Variants in TMCC1 observed in about 807,000 individuals in gnomAD.
TMCC1 encodes transmembrane and coiled-coil domains protein 1.
Under a neutral mutation model 52.4 loss-of-function variants are expected in TMCC1, and 15 were observed. The observed-to-expected ratio is 0.29, with a 90% CI of 0.19 to 0.44. The LOEUF (loss-of-function observed/expected upper bound fraction) is 0.44, where lower values mean the gene tolerates loss of function less well. Ranked by LOEUF, TMCC1 falls within the 20% of genes least tolerant of loss-of-function variation. The pLI is 1.00. For synonymous variants in TMCC1, 279 were observed against 301.9 expected, an observed-to-expected ratio of 0.92 and a Z score of 0.79; for missense variants, 503 against 806.0, an observed-to-expected ratio of 0.62 and a Z score of 4.55.
chr3:129,660,575 C>A (rs1280583652), intron 5 of TMCC1, among the ~76,000 whole-genome samples: 1 of 152,208 alleles, frequency 6.6e-6, no homozygotes, highest in Non-Finnish European at 1.5e-5. Context: ...TGGGCACACA[C>A]TCCATCCTCC....
chr3:129,696,323 C>T (rs1000810002), intron 4 of TMCC1, among the ~76,000 whole-genome samples: 13 of 152,200 alleles, frequency 8.5e-5, no homozygotes, highest in African/African-American at 2.7e-4. Context: ...TTAAATCTGC[C>T]TATAGCCTGG....
chr3:129,877,461 T>G (rs1235468403), intron 2 of TMCC1, among the ~76,000 whole-genome samples: 1 of 152,206 alleles, frequency 6.6e-6, no homozygotes. Context: ...GTTCTTCAAC[T>G]GCTTCTTACT....
chr3:129,670,070 CTG>C (rs2087790690), intron 5 of TMCC1, among the ~76,000 whole-genome samples: 1 of 152,176 alleles, frequency 6.6e-6, no homozygotes, highest in South Asian at 2.1e-4. Context: ...GCTGCAATGA[CTG>C]TGTAGTTTTA....
In TMCC1 at chr3:129,779,583, T is replaced by C. The variant is rs2055344784; in HGVS notation, c.576+48220A>G. ...ATAATTAAAAGTTGTTTTAAAAACA[T>C]ACTGAGAGTCTTTATGCTAAAGATT... is the stretch of plus-strand genomic sequence containing the variant. On this transcript the variant is annotated intron_variant, in intron 4 of 6. Transcript: ENST00000393238. Among the ~76,000 whole-genome samples, 5 of 152,186 alleles carry C rather than the reference T, an allele frequency of 3.3e-5. No homozygotes were observed. The South Asian group carries it at 1.0e-3, about 31-fold the overall frequency.
chr3:129,858,528 G>A (rs565714091), intron 2 of TMCC1, among the ~76,000 whole-genome samples: 3 of 152,056 alleles, frequency 2.0e-5, no homozygotes, highest in East Asian at 1.9e-4. Flanking sequence ...ATGCCACCAC[G>A]TCCAGCTAAT....
intron 6 of TMCC1, among the ~76,000 whole-genome samples, chr3:129,654,317 T>C (rs1476683681): frequency 6.6e-6 from 1 of 152,220 alleles, no homozygotes; most frequent in African/African-American, 2.4e-5. Flanking sequence ...CTGAAGAAGA[T>C]GGCATCTGGG....
At chr3:129,872,625 T>A (rs1392097678) in intron 2 of TMCC1, among the ~76,000 whole-genome samples, 1 of 152,158 alleles carries the variant, frequency 6.6e-6, no homozygotes, top group Non-Finnish European at 1.5e-5. Flanking sequence ...ATGCAGTTGG[T>A]TGTGCTGGTT....
chr3:129,673,990 A>G (rs1375966823), intron 4 of TMCC1, among the ~76,000 whole-genome samples: 1 of 152,220 alleles, frequency 6.6e-6, no homozygotes, highest in East Asian at 1.9e-4. Flanking sequence ...TTAGATATGC[A>G]AACACTACTG....
At chr3:129,799,594 A>C (rs2057055985) in intron 4 of TMCC1, among the ~76,000 whole-genome samples, 1 of 152,160 alleles carries the variant, frequency 6.6e-6, no homozygotes, top group African/African-American at 2.4e-5. Context: ...GTGGATCACG[A>C]GATCAGGAGA....
intron 4 of TMCC1, among the ~76,000 whole-genome samples, chr3:129,685,204 A>C (rs915666816): frequency 2.0e-5 from 3 of 152,034 alleles, no homozygotes; most frequent in Non-Finnish European, 4.4e-5. Flanking sequence ...ACACAGAAAG[A>C]CCATGTCTTT....
chr3:129,657,580 A>G (rs1020755713), intron 5 of TMCC1, among the ~76,000 whole-genome samples: 1 of 152,106 alleles, frequency 6.6e-6, no homozygotes, highest in South Asian at 2.1e-4. Context: ...ACCCAGATCA[A>G]CTAACTCTCC....
intron 4 of TMCC1, among the ~76,000 whole-genome samples, chr3:129,807,260 A>G (rs1313106950): frequency 6.6e-6 from 1 of 152,186 alleles, no homozygotes; most frequent in African/African-American, 2.4e-5. Context: ...TAATGTTCCC[A>G]TTCTTATGTT....
chr3:129,652,512 T>C (rs1329593696), intron 6 of TMCC1, among the ~76,000 whole-genome samples: 1 of 152,154 alleles, frequency 6.6e-6, no homozygotes, highest in Non-Finnish European at 1.5e-5. Flanking sequence ...AATGGACTCT[T>C]TGTGGCAGTA....
intron 2 of TMCC1, among the ~76,000 whole-genome samples, chr3:129,849,051 A>C (rs1011990698): frequency 1.3e-5 from 2 of 152,240 alleles, no homozygotes; most frequent in African/African-American, 2.4e-5. Context: ...AAGAATACTA[A>C]GAGCTACTAT....
At chr3:129,863,587 C>T (rs1217172820) in intron 2 of TMCC1, among the ~76,000 whole-genome samples, 3 of 152,112 alleles carry the variant, frequency 2.0e-5, no homozygotes, top group African/African-American at 7.2e-5. Flanking sequence ...AGAGGCCAGG[C>T]GCAGTGGCTC....
At chr3:129,840,051 G>A (rs1203994959) in intron 2 of TMCC1, among the ~76,000 whole-genome samples, 1 of 150,932 alleles carries the variant, frequency 6.6e-6, no homozygotes, top group Non-Finnish European at 1.5e-5. Flanking sequence ...GACCAGGCCG[G>A]GTGTAATGGC....
chr3:129,886,306 G>C (rs1407606816), intron 1 of TMCC1, among the ~76,000 whole-genome samples: 1 of 152,196 alleles, frequency 6.6e-6, no homozygotes, highest in African/African-American at 2.4e-5. Context: ...CCATATTCCA[G>C]GAGAAAGTAG....
intron 4 of TMCC1, among the ~76,000 whole-genome samples, chr3:129,758,508 A>G (rs2053213848): frequency 6.6e-6 from 1 of 152,240 alleles, no homozygotes; most frequent in Non-Finnish European, 1.5e-5. Context: ...GCTAAATCCA[A>G]TAAAAGGAAC....
Position 129,650,564 on chromosome 3 carries a change from A to T in TMCC1, c.*917T>A, listed in dbSNP as rs1182575444. 6.6e-6 allele frequency: 1 copy of T among 152,584 alleles called. No homozygotes were observed. Among genetic ancestry groups the T allele is most frequent in the Non-Finnish European group, 1.5e-5 (1 of 68,034 alleles). The allele number at this position is 152,584 out of a possible 1,614,324, so 9.5% of individuals were successfully genotyped here. A position where few individuals can be genotyped will look rare whatever the true frequency, so the allele number is the denominator to read the frequency against. ...TATCCACACATTTCTTCATTTAAAA[A>T]CATCACTTCTTTATTTCAAAGGAAA... On this transcript the variant is annotated 3_prime_UTR_variant, in exon 7 of 7. Coordinates refer to ENST00000393238, the MANE Select transcript of TMCC1 (RefSeq NM_001017395.5).
Sources: allele counts gnomAD v4.1 joint callset (sites outside exome capture counted in the v4.1 genomes callset), GRCh38; gene constraint gnomAD v4.1.1; transcripts MANE v1.5; gene names NCBI Gene and HGNC (gene_info 2026-07-23, HGNC 2026-07-21).